The following ARHGAP15 variants were observed in gnomAD, a reference collection of about 807,000 sequenced individuals.
The protein encoded by ARHGAP15 is rho GTPase-activating protein 15.
Under a neutral mutation model 63.7 loss-of-function variants are expected in ARHGAP15, and 51 were observed. The observed-to-expected ratio is 0.80, with a 90% CI of 0.64 to 1.01. The LOEUF (loss-of-function observed/expected upper bound fraction) is 1.01, where lower values mean the gene tolerates loss of function less well. Ranked by LOEUF, ARHGAP15 falls within the 50% of genes least tolerant of loss-of-function variation. The pLI is 0.00. For missense variants in ARHGAP15, 560 were observed against 564.6 expected (o/e 0.99, Z 0.08); for synonymous variants, 191 against 193.8 (o/e 0.99, Z 0.12).
At chr2:143,346,995 A>T (rs1254352564) in intron 6 of ARHGAP15, among the ~76,000 whole-genome samples, 4 of 151,998 alleles carry the variant, frequency 2.6e-5, no homozygotes, top group Non-Finnish European at 4.4e-5. Flanking sequence ...TGGTCTGTTT[A>T]TCATGGAAAC....
At chr2:143,740,486 T>G (rs936022810) in intron 13 of ARHGAP15, among the ~76,000 whole-genome samples, 1 of 152,226 alleles carries the variant, frequency 6.6e-6, no homozygotes, top group Non-Finnish European at 1.5e-5. Context: ...CAGAGAACTC[T>G]AGGAAAGAAA....
intron 12 of ARHGAP15, among the ~76,000 whole-genome samples, chr2:143,683,372 G>A (rs956335485): frequency 6.6e-6 from 1 of 151,936 alleles, no homozygotes; most frequent in Non-Finnish European, 1.5e-5. Context: ...ATAAACTTCA[G>A]AATATTTTAT....
chr2:143,501,224 G>T (rs978119006), intron 9 of ARHGAP15, among the ~76,000 whole-genome samples: 1 of 152,178 alleles, frequency 6.6e-6, no homozygotes, highest in Non-Finnish European at 1.5e-5. Context: ...CTCATAATTT[G>T]TACCACCTCA....
intron 1 of ARHGAP15, among the ~76,000 whole-genome samples, chr2:143,132,604 C>T (rs749210650): frequency 6.6e-6 from 1 of 152,210 alleles, no homozygotes; most frequent in Admixed American, 6.5e-5. Flanking sequence ...AGACAGCATG[C>T]GTGACCATGC....
chr2:143,595,432 G>T (rs1399796659), intron 11 of ARHGAP15, among the ~76,000 whole-genome samples: 2 of 152,068 alleles, frequency 1.3e-5, no homozygotes, highest in African/African-American at 4.8e-5. Flanking sequence ...ATAGTTTGCA[G>T]ATAGTGTCCT....
intron 6 of ARHGAP15, among the ~76,000 whole-genome samples, chr2:143,324,112 G>GT (rs1344524142): frequency 2.6e-5 from 4 of 152,032 alleles, no homozygotes; most frequent in Non-Finnish European, 5.9e-5. Context: ...ACTAGTTTTA[G>GT]TTCAGTCTAT....
At chr2:143,397,460 TA>T (rs1165752352) in intron 6 of ARHGAP15, among the ~76,000 whole-genome samples, 2 of 151,820 alleles carry the variant, frequency 1.3e-5, no homozygotes, top group East Asian at 1.9e-4. Context: ...AATTGCTTAT[TA>T]AAAAATTGCT....
chr2:143,345,383 A>C (rs1685224780), intron 6 of ARHGAP15, among the ~76,000 whole-genome samples: 1 of 152,074 alleles, frequency 6.6e-6, no homozygotes, highest in African/African-American at 2.4e-5. Flanking sequence ...TGTAGTGCCA[A>C]AGTGTGTCAA....
intron 10 of ARHGAP15, among the ~76,000 whole-genome samples, chr2:143,531,747 C>T (rs906834079): frequency 2.2e-4 from 34 of 152,154 alleles, no homozygotes; most frequent in African/African-American, 8.0e-4. Context: ...ATTAAGCACT[C>T]ATAATGTTAG....
chr2:143,255,099 A>G (rs550204271), intron 6 of ARHGAP15, among the ~76,000 whole-genome samples: 1 of 152,248 alleles, frequency 6.6e-6, no homozygotes, highest in East Asian at 1.9e-4. Context: ...TTCCTTTAAA[A>G]TAAAGTTTTT....
At chr2:143,747,933 G>A (rs764067077) in intron 13 of ARHGAP15, among the ~76,000 whole-genome samples, 2 of 152,094 alleles carry the variant, frequency 1.3e-5, no homozygotes, top group South Asian at 4.1e-4. Flanking sequence ...GAGGCAATAC[G>A]TTGTGATTTT....
intron 6 of ARHGAP15, among the ~76,000 whole-genome samples, chr2:143,264,894 A>G (rs1443966350): frequency 6.6e-6 from 1 of 152,202 alleles, no homozygotes; most frequent in Non-Finnish European, 1.5e-5. Flanking sequence ...CACTAGCTCC[A>G]TAGAGGCTTG....
chr2:143,336,133 T>C (rs114828087), intron 6 of ARHGAP15, among the ~76,000 whole-genome samples: 2,544 of 152,196 alleles, frequency 0.017, 76 homozygotes, highest in African/African-American at 0.057. Context: ...CCCAAGTAGC[T>C]GAGACTACAG....
intron 11 of ARHGAP15, among the ~76,000 whole-genome samples, chr2:143,573,689 G>A (rs1198951722): frequency 6.6e-6 from 1 of 152,160 alleles, no homozygotes; most frequent in Non-Finnish European, 1.5e-5. Flanking sequence ...TGTTTTACAA[G>A]TATTATTTTC....
intron 11 of ARHGAP15, among the ~76,000 whole-genome samples, chr2:143,601,151 C>T (rs1175350833): frequency 1.3e-5 from 2 of 152,044 alleles, no homozygotes; most frequent in Admixed American, 6.6e-5. Context: ...TGAAGGAAAC[C>T]GAACAACTTA....
intron 9 of ARHGAP15, among the ~76,000 whole-genome samples, chr2:143,500,785 C>A (rs563190736): frequency 3.9e-5 from 6 of 152,240 alleles, no homozygotes; most frequent in Admixed American, 1.3e-4. Flanking sequence ...TAAGAAACTG[C>A]TACCAAGGTT....
intron 1 of ARHGAP15, among the ~76,000 whole-genome samples, chr2:143,151,605 G>C (rs1464393348): frequency 6.6e-6 from 1 of 151,924 alleles, no homozygotes; most frequent in Non-Finnish European, 1.5e-5. Context: ...ATGGATGATG[G>C]AAATTTTTAT....
intron 6 of ARHGAP15, among the ~76,000 whole-genome samples, chr2:143,427,724 T>C (rs970633882): frequency 6.6e-6 from 1 of 152,120 alleles, no homozygotes; most frequent in Non-Finnish European, 1.5e-5. Flanking sequence ...TGGGAAAATA[T>C]AGCCTTCAGA....
intron 6 of ARHGAP15, among the ~76,000 whole-genome samples, chr2:143,424,395 T>G (rs1221111550): frequency 1.3e-5 from 2 of 152,044 alleles, no homozygotes; most frequent in East Asian, 3.9e-4. Context: ...TTTAAAAAAA[T>G]GAGAAATGGT....
Sources: allele counts gnomAD v4.1 joint callset (sites outside exome capture counted in the v4.1 genomes callset), GRCh38; gene constraint gnomAD v4.1.1; transcripts MANE v1.5; gene names NCBI Gene and HGNC (gene_info 2026-07-23, HGNC 2026-07-21).